The following FGF14 variants were observed in gnomAD, a reference collection of about 807,000 sequenced individuals.
The protein encoded by FGF14 is fibroblast growth factor homologous factor 4.
A neutral mutation model predicts 25.5 loss-of-function variants in FGF14; 5 were observed. The ratio of observed to expected loss-of-function variants is 0.20; its 90% CI spans 0.10 to 0.41. The LOEUF is 0.41. FGF14 is among the 10% of genes least tolerant of loss of function. The probability of loss-of-function intolerance (pLI) is 1.00; values close to 1 mark genes in which losing one functional copy is unlikely to be tolerated. For synonymous variants in FGF14, 138 were observed against 118.3 expected, an observed-to-expected ratio of 1.17 and a Z score of -1.08; for missense variants, 222 against 320.1, an observed-to-expected ratio of 0.69 and a Z score of 2.34.
chr13:102,058,291 GA>G (rs1383714352), intron 1 of FGF14, among the ~76,000 whole-genome samples: 2 of 152,172 alleles, frequency 1.3e-5, no homozygotes, highest in African/African-American at 4.8e-5. Flanking sequence ...GACATATACA[GA>G]AAGTGAATAA....
chr13:102,381,926 G>A (rs973545393), intron 1 of FGF14, among the ~76,000 whole-genome samples: 7 of 152,118 alleles, frequency 4.6e-5, no homozygotes, highest in African/African-American at 1.7e-4. Context: ...AATGTTCCTT[G>A]AAAAATTAGA....
At chr13:101,893,924 CTG>C (rs1328082429) in intron 1 of FGF14, among the ~76,000 whole-genome samples, 4 of 152,138 alleles carry the variant, frequency 2.6e-5, no homozygotes, top group African/African-American at 9.6e-5. Flanking sequence ...TGGGGAGGGT[CTG>C]TGTTTTCTTT....
intron 1 of FGF14, among the ~76,000 whole-genome samples, chr13:102,137,073 TG>T (rs1359388261): frequency 6.6e-6 from 1 of 152,230 alleles, no homozygotes; most frequent in Non-Finnish European, 1.5e-5. Context: ...TGCTAAAGTT[TG>T]GCTACTAATG....
intron 3 of FGF14, among the ~76,000 whole-genome samples, chr13:101,759,214 G>A (rs2037848580): frequency 6.6e-6 from 1 of 152,146 alleles, no homozygotes; most frequent in South Asian, 2.1e-4. Flanking sequence ...ACTAACCCCA[G>A]CAATTAGGGA....
intron 1 of FGF14, among the ~76,000 whole-genome samples, chr13:101,986,354 A>G (rs1157061984): frequency 6.6e-6 from 1 of 152,164 alleles, no homozygotes; most frequent in East Asian, 1.9e-4. Flanking sequence ...CTGAAAAGCT[A>G]TGACACAATA....
intron 1 of FGF14, among the ~76,000 whole-genome samples, chr13:102,377,116 G>C (rs545088652): frequency 2.0e-5 from 3 of 151,754 alleles, no homozygotes. Context: ...AAAAAGAAGT[G>C]AATGACAGAG....
At chr13:102,000,137 A>T (rs1025294968) in intron 1 of FGF14, among the ~76,000 whole-genome samples, 3 of 152,028 alleles carry the variant, frequency 2.0e-5, no homozygotes, top group African/African-American at 7.2e-5. Context: ...AACACGGTAA[A>T]ACCCCGTCTC....
rs992898487 is a variant in FGF14 at position 101,716,923 on chromosome 13, G to T, written c.*5908C>A. On this transcript the variant is annotated 3_prime_UTR_variant, in exon 5 of 5. Coordinates refer to ENST00000376143, the MANE Select transcript of FGF14 (RefSeq NM_004115.4). ...GAAATTCACATTGAATTATGAAAGT[G>T]TACAATAATTGGGACTTCCCTTACA... The T allele has an allele frequency of 5.3e-5, 8 of 151,808 alleles. No individual in the cohort carries two copies. Among genetic ancestry groups the T allele is most frequent in the African/African-American group, 1.5e-4 (6 of 41,358 alleles). The allele number at this position is 151,808 out of a possible 1,614,324, so 9.4% of individuals were successfully genotyped here.
intron 1 of FGF14, among the ~76,000 whole-genome samples, chr13:102,237,459 G>A (rs1206285035): frequency 1.3e-5 from 2 of 152,152 alleles, no homozygotes; most frequent in Non-Finnish European, 2.9e-5. Context: ...CGCATGCCCA[G>A]CCCCTTGAGG....
At chr13:102,213,124 G>A (rs1350923827) in intron 1 of FGF14, among the ~76,000 whole-genome samples, 1 of 152,170 alleles carries the variant, frequency 6.6e-6, no homozygotes, top group Non-Finnish European at 1.5e-5. Context: ...ATTCACGCCT[G>A]CAGCCAACAT....
chr13:102,273,237 A>T (rs954941317), intron 1 of FGF14, among the ~76,000 whole-genome samples: 1 of 152,204 alleles, frequency 6.6e-6, no homozygotes. Flanking sequence ...AAATAGACCT[A>T]ACCTAGTTAA....
intron 3 of FGF14, among the ~76,000 whole-genome samples, chr13:101,842,799 A>G (rs759268257): frequency 1.3e-5 from 2 of 152,028 alleles, no homozygotes; most frequent in African/African-American, 2.4e-5. Flanking sequence ...TACATCATGC[A>G]TGCCAATCCC....
At chr13:102,263,633 T>C (rs1200784074) in intron 1 of FGF14, among the ~76,000 whole-genome samples, 1 of 152,200 alleles carries the variant, frequency 6.6e-6, no homozygotes, top group African/African-American at 2.4e-5. Flanking sequence ...TGGACTCTAA[T>C]ATAATTTTGT....
At chr13:102,191,291 G>T (rs1390037779) in intron 1 of FGF14, among the ~76,000 whole-genome samples, 1 of 152,156 alleles carries the variant, frequency 6.6e-6, no homozygotes, top group Non-Finnish European at 1.5e-5. Flanking sequence ...TGTCCATAGG[G>T]TCTGTGTGCT....
At position 101,711,945 on chromosome 13, in the gene FGF14, G is replaced by A. The variant is rs1169904773; in HGVS notation, c.*10886C>T. On this transcript the variant is annotated 3_prime_UTR_variant, in exon 5 of 5. Transcript: ENST00000376143. The stretch of plus-strand genomic sequence containing the variant: ...GGTCTCAGGGGTGTGAGTGGGTCTT[G>A]GCCAGCTGAGTTGAACCATTTCTCA... 6.6e-6 allele frequency: 1 copy of A among 152,216 alleles called. No individual in the cohort carries two copies. The highest frequency in any genetic ancestry group is 1.5e-5 in the Non-Finnish European group (1 of 68,102). The allele number at this position is 152,216 out of a possible 1,614,324, so 9.4% of individuals were successfully genotyped here.
intron 1 of FGF14, among the ~76,000 whole-genome samples, chr13:101,975,849 G>A (rs2037890021): frequency 6.6e-6 from 1 of 152,176 alleles, no homozygotes; most frequent in Non-Finnish European, 1.5e-5. Flanking sequence ...TGTGACAGGA[G>A]AGAACAAAAT....
intron 1 of FGF14, among the ~76,000 whole-genome samples, chr13:102,081,088 G>GGCTTA (rs1431732347): frequency 1.3e-5 from 2 of 152,174 alleles, no homozygotes; most frequent in African/African-American, 2.4e-5. Flanking sequence ...AATAGCAGGA[G>GGCTTA]GCAAAATAGT....
chr13:101,803,460 T>C (rs546696816), intron 3 of FGF14, among the ~76,000 whole-genome samples: 17 of 152,146 alleles, frequency 1.1e-4, no homozygotes, highest in Non-Finnish European at 2.1e-4. Context: ...ACTGCAGAAC[T>C]GTTCATTGTC....
intron 3 of FGF14, among the ~76,000 whole-genome samples, chr13:101,793,054 G>A (rs973944676): frequency 1.3e-5 from 2 of 152,038 alleles, no homozygotes; most frequent in Non-Finnish European, 2.9e-5. Flanking sequence ...ATATGGAGAT[G>A]TACATTACTC....
Sources: allele counts gnomAD v4.1 joint callset (sites outside exome capture counted in the v4.1 genomes callset), GRCh38; gene constraint gnomAD v4.1.1; transcripts MANE v1.5; gene names NCBI Gene and HGNC (gene_info 2026-07-23, HGNC 2026-07-21).